Variants in TARS1 observed in about 807,000 individuals in gnomAD.
TARS1 encodes threonyl-tRNA synthetase 1.
TARS1 carries 57 observed loss-of-function variants against 97.7 expected under a neutral mutation model. The observed-to-expected ratio is 0.58, with a 90% CI of 0.47 to 0.73. The LOEUF (loss-of-function observed/expected upper bound fraction) is 0.73, where lower values mean the gene tolerates loss of function less well. Among genes scored for constraint, TARS1 ranks in the 30% least tolerant of loss-of-function variants. The pLI is 0.00. For missense variants in TARS1, 806 were observed against 888.3 expected (o/e 0.91, Z 1.18); for synonymous variants, 312 against 293.7 (o/e 1.06, Z -0.64).
At position 33,467,772 on chromosome 5, in the gene TARS1, T is replaced by C; in HGVS notation, c.*64T>C. The C allele has an allele frequency of 6.5e-7, 1 of 1,538,594 alleles. No individual in the cohort carries two copies. Among genetic ancestry groups the C allele is most frequent in the African/African-American group, 1.4e-5 (1 of 71,930 alleles). On this transcript the variant is annotated 3_prime_UTR_variant, in exon 19 of 19. Coordinates refer to ENST00000265112, the MANE Select transcript of TARS1 (RefSeq NM_152295.5). ...AACAGCGTTTCCGTAAAATTGACTTTGTACTCTGAAAACGTCAATTTATAT... is the reference window on the plus strand; with the variant it reads ...AACAGCGTTTCCGTAAAATTGACTTCGTACTCTGAAAACGTCAATTTATAT...
At chr5:33,446,259 A>G (rs2111930778) in intron 2 of TARS1, 1 of 228,406 alleles carries the variant, frequency 4.4e-6, no homozygotes, top group Admixed American at 5.0e-5. Context: ...AGTGTTGCTT[A>G]GAACCCTACC....
rs776344762 is a variant in TARS1 at position 33,453,263 on chromosome 5, C to CCT, written c.330-26_330-25insCT. On this transcript the variant is annotated intron_variant, in intron 3 of 18. Coordinates refer to ENST00000265112, the MANE Select transcript of TARS1 (RefSeq NM_152295.5). Reference sequence around the variant, plus strand: ...TCGTGTGTACTTATATATGTGTGGACTTTTTTTTTTTTTTTTTTTTTTAAG... The same window carrying CCT: ...TCGTGTGTACTTATATATGTGTGGACCTTTTTTTTTTTTTTTTTTTTTTTAAG... The CCT allele has an allele frequency of 1.1e-3, 1,470 of 1,342,000 alleles. 47 individuals carry two copies. Among genetic ancestry groups the CCT allele is most frequent in the South Asian group, 7.5e-3 (431 of 57,578 alleles). The allele number at this position is 1,342,000 out of a possible 1,614,324, so 83.1% of individuals were successfully genotyped here. A position where few individuals can be genotyped will look rare whatever the true frequency, so the allele number is the denominator to read the frequency against.
rs756701557 is a variant in TARS1, at chr5:33,453,391, T to C, written c.432T>C (p.Phe144=). The C allele has an allele frequency of 1.2e-6, 2 of 1,613,586 alleles. No homozygotes were observed. The highest frequency in any genetic ancestry group is 4.5e-5 in the East Asian group (2 of 44,852). Residue 144 remains phenylalanine (F), a synonymous_variant, in exon 4 of 19, where the codon TTT becomes TTC. Coordinates refer to ENST00000265112, the MANE Select transcript of TARS1 (RefSeq NM_152295.5). ...EEDCTLELLK[F]EDEEAQAVYW... ...ATTGTACCTTGGAGCTTCTCAAGTT[T>C]GAGGATGAGGAAGCTCAGGCAGTAA...
chr5:33,446,460 G>A (rs766211925), intron 2 of TARS1: 1 of 342,228 alleles, frequency 2.9e-6, no homozygotes, highest in Non-Finnish European at 5.9e-6. Flanking sequence ...CTTGAGAAAT[G>A]ACCTGGAAAT....
chr5:33,443,831 A>G (rs1194377239), intron 1 of TARS1, among the ~76,000 whole-genome samples: 1 of 152,160 alleles, frequency 6.6e-6, no homozygotes, highest in Non-Finnish European at 1.5e-5. Flanking sequence ...TTGATCAGTT[A>G]CATCACTTCT....
intron 1 of TARS1, among the ~76,000 whole-genome samples, chr5:33,443,820 C>T (rs1051662885): frequency 6.6e-6 from 1 of 152,114 alleles, no homozygotes; most frequent in African/African-American, 2.4e-5. Flanking sequence ...ACCCAGTATA[C>T]TTGATCAGTT....
intron 1 of TARS1, among the ~76,000 whole-genome samples, chr5:33,444,806 T>TGTTTTCTCCTCCGGGA (rs1391847625): frequency 1.3e-5 from 2 of 151,964 alleles, no homozygotes; most frequent in Non-Finnish European, 2.9e-5. Context: ...GTTACTACTG[T>TGTTTTCTCCTCCGGGA]GTTTTCTCCT....
Position 33,455,712 on chromosome 5 carries a change from G to T in TARS1, c.693+8G>T. Reference sequence around the variant, plus strand: ...TTACTGGCAATGTTTAAGGTAAATTGAACCATAGTGCGTGGCCCCCACTGT... The same window carrying T: ...TTACTGGCAATGTTTAAGGTAAATTTAACCATAGTGCGTGGCCCCCACTGT... On this transcript the variant is annotated splice_region_variant and intron_variant, in intron 6 of 18. Coordinates refer to ENST00000265112, the MANE Select transcript of TARS1 (RefSeq NM_152295.5). The T allele has an allele frequency of 6.4e-7, 1 of 1,553,000 alleles. No homozygotes were observed. Among genetic ancestry groups the T allele is most frequent in the South Asian group, 1.1e-5 (1 of 89,314 alleles).
chr5:33,452,377 A>C (rs1055091041), intron 3 of TARS1: 1 of 1,535,286 alleles, frequency 6.5e-7, no homozygotes, highest in African/African-American at 1.4e-5. Flanking sequence ...CTTCACTTGC[A>C]TCTCTGCTTG....
chr5:33,451,367 A>G (rs555254827), intron 3 of TARS1, among the ~76,000 whole-genome samples: 9 of 143,716 alleles, frequency 6.3e-5, no homozygotes, highest in Non-Finnish European at 1.2e-4. Context: ...AAGTTTTGTT[A>G]TAAATCTTTT....
chr5:33,467,911 C>A lies in TARS1; in HGVS notation c.*203C>A. On this transcript the variant is annotated 3_prime_UTR_variant, in exon 19 of 19. Coordinates refer to ENST00000265112, the MANE Select transcript of TARS1 (RefSeq NM_152295.5). ...TTGAAGGAGTTAATTAAAAGAGAGCCAATAAAATGATTTTACTCATTCAGT... is the reference window on the plus strand; with the variant it reads ...TTGAAGGAGTTAATTAAAAGAGAGCAAATAAAATGATTTTACTCATTCAGT... 2.1e-6 allele frequency: 1 copy of A among 481,760 alleles called. No homozygotes were observed. 29.8% of individuals were successfully genotyped at this position (481,760 alleles called of 1,614,324 possible).
At position 33,449,296 on chromosome 5, in the gene TARS1, G is replaced by T. The variant is rs1193826508; in HGVS notation, c.329+565G>T. Among the ~76,000 whole-genome samples the T allele has an allele frequency of 1.3e-5, 2 of 148,884 alleles. 1 individual carries two copies. The highest frequency in any genetic ancestry group is 1.3e-4 in the Admixed American group (2 of 14,984). On this transcript the variant is annotated intron_variant, in intron 3 of 18. Coordinates refer to ENST00000265112, the MANE Select transcript of TARS1 (RefSeq NM_152295.5). ...AATTGGTCAGTTTATCAAAATAAGA[G>T]TTGGTAAAACATATATATGTGTATA...
chr5:33,459,974 G>A, intron 11 of TARS1, 113 bp downstream of exon 11: 2 of 1,088,398 alleles, frequency 1.8e-6, no homozygotes, highest in Non-Finnish European at 2.6e-6. Flanking sequence ...GATCAGAAGA[G>A]CATTTAAACG....
intron 3 of TARS1, 37 bp from the exon 4 acceptor site, chr5:33,453,252 A>G (rs368011320): frequency 2.3e-5 from 36 of 1,535,602 alleles, no homozygotes; most frequent in Middle Eastern, 1.7e-4. Context: ...GTGTACTTAT[A>G]TATGTGTGGA....
chr5:33,463,725 C>T, intron 16 of TARS1, 28 bp from the exon 17 acceptor site: 1 of 1,591,186 alleles, frequency 6.3e-7, no homozygotes. Flanking sequence ...CCCACATCTA[C>T]ACTGAATATT....
intron 3 of TARS1, among the ~76,000 whole-genome samples, chr5:33,450,163 T>C (rs559308592): frequency 1.4e-4 from 21 of 152,350 alleles, no homozygotes; most frequent in African/African-American, 4.1e-4. Flanking sequence ...TTGGTTTTCA[T>C]AGAATCCATA....
intron 14 of TARS1, 74 bp downstream of exon 14, chr5:33,461,818 G>A: frequency 6.3e-7 from 1 of 1,591,672 alleles, no homozygotes; most frequent in Non-Finnish European, 8.6e-7. Flanking sequence ...GAAAAAAGTT[G>A]GAAAAAAGAA....
At chr5:33,460,682 G>A (rs1190872153) in intron 11 of TARS1, among the ~76,000 whole-genome samples, 1 of 152,172 alleles carries the variant, frequency 6.6e-6, no homozygotes, top group East Asian at 1.9e-4. Context: ...GTTGGAATAC[G>A]TTTTTTAATT....
chr5:33,466,268 TAGC>T (rs999257990), intron 17 of TARS1: 17 of 152,350 alleles, frequency 1.1e-4, no homozygotes, highest in African/African-American at 3.8e-4. Flanking sequence ...CCAACTCTCA[TAGC>T]AGGCTGAACA....
Sources: allele counts gnomAD v4.1 joint callset (sites outside exome capture counted in the v4.1 genomes callset), GRCh38; gene constraint gnomAD v4.1.1; transcripts MANE v1.5; gene names NCBI Gene and HGNC (gene_info 2026-07-23, HGNC 2026-07-21).